HTATIP2: variants seen among roughly 807,000 people sequenced by gnomAD.
HTATIP2 encodes the protein protein HTATIP2.
Under a neutral mutation model 24.7 loss-of-function variants are expected in HTATIP2, and 26 were observed. The observed-to-expected ratio is 1.05, with a 90% CI of 0.77 to 1.46. HTATIP2 has a LOEUF of 1.46. Ranked by LOEUF, HTATIP2 falls within the 40% of genes most tolerant of loss-of-function variation. The pLI is 0.00. For missense variants in HTATIP2, 284 were observed against 289.6 expected, an observed-to-expected ratio of 0.98 and a Z score of 0.14; for synonymous variants, 99 against 113.2, an observed-to-expected ratio of 0.87 and a Z score of 0.79.
intron 1 of HTATIP2, among the ~76,000 whole-genome samples, chr11:20,366,247 G>A (rs545689901): frequency 6.6e-6 from 1 of 151,326 alleles, no homozygotes; most frequent in African/African-American, 2.4e-5. Context: ...AACTACAGGT[G>A]CCTACCACCA....
chr11:20,368,705 G>C (rs1241707563), intron 2 of HTATIP2, among the ~76,000 whole-genome samples: 1 of 152,184 alleles, frequency 6.6e-6, no homozygotes, highest in Non-Finnish European at 1.5e-5. Flanking sequence ...GGCATAGAAG[G>C]GTTGATTTTC....
At position 20,367,190 on chromosome 11, in the gene HTATIP2, A is replaced by G. The variant is rs866973858; in HGVS notation, c.212A>G (p.Asp71Gly). The G allele has an allele frequency of 6.2e-7, 1 of 1,614,112 alleles. No individual in the cohort carries two copies. The highest frequency in any genetic ancestry group is 1.7e-5 in the Admixed American group (1 of 60,026). ...AYKNVNQEVV[D>G]FEKLDDYASA... The stretch of plus-strand genomic sequence containing the variant: ...CTTGCCTAGAATCAAGAAGTGGTGG[A>G]CTTTGAAAAGTTGGATGACTACGCC... The change falls in exon 2 of 5, where the codon GAC (aspartate) becomes GGC (glycine). Residue 71 changes from aspartate (D) to glycine (G), a missense_variant. By Grantham distance (94) the Asp-to-Gly change is moderately conservative (BLOSUM62 -1). Transcript: ENST00000451739.
At chr11:20,372,730 G>A (rs1463375032) in intron 2 of HTATIP2, among the ~76,000 whole-genome samples, 1 of 152,156 alleles carries the variant, frequency 6.6e-6, no homozygotes, top group Non-Finnish European at 1.5e-5. Flanking sequence ...GAAATAGCTT[G>A]CTTTAGTTAG....
intron 3 of HTATIP2, among the ~76,000 whole-genome samples, chr11:20,381,445 A>C (rs545329211): frequency 2.1e-4 from 32 of 152,266 alleles, no homozygotes; most frequent in Non-Finnish European, 3.2e-4. Context: ...ATCACACACA[A>C]AAAATACATA....
chr11:20,367,857 G>A (rs1051992948), intron 2 of HTATIP2, among the ~76,000 whole-genome samples: 1 of 152,144 alleles, frequency 6.6e-6, no homozygotes, highest in African/African-American at 2.4e-5. Flanking sequence ...CTTTTTAATG[G>A]TGTTCTAAAT....
intron 3 of HTATIP2, among the ~76,000 whole-genome samples, chr11:20,379,914 A>G (rs1190501210): frequency 6.6e-6 from 1 of 152,232 alleles, no homozygotes; most frequent in South Asian, 2.1e-4. Context: ...AACTTATCGC[A>G]TTGAAAGGAT....
At chr11:20,372,187 G>A (rs1409559597) in intron 2 of HTATIP2, among the ~76,000 whole-genome samples, 1 of 152,108 alleles carries the variant, frequency 6.6e-6, no homozygotes, top group Non-Finnish European at 1.5e-5. Context: ...GGGATCAAGC[G>A]ATCTTCCTGC....
intron 2 of HTATIP2, among the ~76,000 whole-genome samples, chr11:20,369,825 C>T (rs966078303): frequency 5.9e-5 from 9 of 152,154 alleles, no homozygotes; most frequent in African/African-American, 1.7e-4. Context: ...GTTCAACATA[C>T]GCATTTTGGG....
At position 20,383,148 on chromosome 11, in the gene HTATIP2, G is replaced by A; in HGVS notation, c.672G>A (p.Leu224=). The A allele has an allele frequency of 6.2e-7, 1 of 1,613,966 alleles. No individual in the cohort carries two copies. ...GACCAAGAGACAAGCAGATGGAACT[G>A]CTGGAGAACAAGGCCATCCATGACC... is the stretch of plus-strand genomic sequence containing the variant. ...VVRPRDKQME[L]LENKAIHDLG... Residue 224 remains leucine, a synonymous_variant, in exon 5 of 5, where the codon CTG becomes CTA. Coordinates refer to ENST00000451739, the MANE Select transcript of HTATIP2 (RefSeq NM_001098522.2).
Position 20,382,245 on chromosome 11 carries a change from T to C in HTATIP2, c.503+6T>C, listed in dbSNP as rs771085867. Reference sequence around the variant, plus strand: ...TACTCTGTATTTAGGCCTGGGTAAGTATAATATTTATACTGAATGAGAGTA... The same window carrying C: ...TACTCTGTATTTAGGCCTGGGTAAGCATAATATTTATACTGAATGAGAGTA... On this transcript the variant is annotated splice_donor_region_variant and intron_variant, in intron 4 of 4. Transcript: ENST00000451739. 1 of 1,490,018 alleles carries C rather than the reference T, an allele frequency of 6.7e-7. No individual in the cohort carries two copies. The highest frequency in any genetic ancestry group is 9.4e-7 in the Non-Finnish European group (1 of 1,067,424). 92.3% of individuals were successfully genotyped at this position (1,490,018 alleles called of 1,614,324 possible).
At chr11:20,380,082 A>C (rs1041770401) in intron 3 of HTATIP2, among the ~76,000 whole-genome samples, 34 of 152,248 alleles carry the variant, frequency 2.2e-4, no homozygotes, top group African/African-American at 7.7e-4. Context: ...ATCTGAGCCT[A>C]GGAATGCAGG....
At position 20,364,078 on chromosome 11, in the gene HTATIP2, G is replaced by A; in HGVS notation, c.-160G>A. 7.3e-7 allele frequency: 1 copy of A among 1,368,408 alleles called. No homozygotes were observed. Among genetic ancestry groups the A allele is most frequent in the Non-Finnish European group, 9.4e-7 (1 of 1,060,812 alleles). 84.8% of individuals were successfully genotyped at this position (1,368,408 alleles called of 1,614,324 possible). ...GGCTCAGGTGCGGGCGATGGCCGGG[G>A]AGCCGCGCCCCGCACGTGACTCAGC... is the stretch of plus-strand genomic sequence containing the variant. On this transcript the variant is annotated 5_prime_UTR_variant, in exon 1 of 5. Coordinates refer to ENST00000451739, the MANE Select transcript of HTATIP2 (RefSeq NM_001098522.2).
chr11:20,364,895 G>A (rs1041263251), intron 1 of HTATIP2, among the ~76,000 whole-genome samples: 12 of 152,146 alleles, frequency 7.9e-5, no homozygotes, highest in African/African-American at 2.9e-4. Context: ...AGTGAAAGGT[G>A]GGATTATTCA....
chr11:20,364,522 G>T, intron 1 of HTATIP2, 90 bp downstream of exon 1: 1 of 1,154,012 alleles, frequency 8.7e-7, no homozygotes, highest in Non-Finnish European at 1.2e-6. Flanking sequence ...TGCCCTGCCA[G>T]TGGTGGGGGT....
rs1848532772 is a variant in HTATIP2 at position 20,382,310 on chromosome 11, T to C, written c.503+71T>C. The C allele has an allele frequency of 7.9e-6, 7 of 880,652 alleles. No individual in the cohort carries two copies. In the East Asian group the frequency reaches 1.8e-4, roughly 22 times the overall value. The allele number at this position is 880,652 out of a possible 1,614,324, so 54.6% of individuals were successfully genotyped here. On this transcript the variant is annotated intron_variant, in intron 4 of 4. Transcript: ENST00000451739. The stretch of plus-strand genomic sequence containing the variant: ...AATCCCTAGATACTAATTTTTCATT[T>C]GGAAAGGCTGACAGCTGAAATATCT...
intron 3 of HTATIP2, among the ~76,000 whole-genome samples, chr11:20,379,963 G>A (rs1331816518): frequency 6.6e-6 from 1 of 152,218 alleles, no homozygotes; most frequent in Non-Finnish European, 1.5e-5. Flanking sequence ...TGTGTCGGGT[G>A]AAGTCTGGAG....
chr11:20,370,987 T>A (rs2064767028), intron 2 of HTATIP2, among the ~76,000 whole-genome samples: 1 of 152,206 alleles, frequency 6.6e-6, no homozygotes, highest in Admixed American at 6.5e-5. Context: ...AAGAATAATG[T>A]CATACCATGT....
At position 20,383,186 on chromosome 11, in the gene HTATIP2, A is replaced by C; in HGVS notation, c.710A>C (p.His237Pro). ...NKAIHDLGKA[H>P]GSLKP ...GCCATCCATGACCTGGGGAAAGCGC[A>C]TGGCTCTCTCAAGCCATGACCACAT... Residue 237 changes from histidine to proline, a missense_variant, in exon 5 of 5, where the codon CAT becomes CCT. Physicochemically the swap from His to Pro is moderately conservative, Grantham distance 77 (BLOSUM62 -2). Transcript: ENST00000451739. 1 of 1,613,676 alleles carries C rather than the reference A, an allele frequency of 6.2e-7. No individual in the cohort carries two copies. Among genetic ancestry groups the C allele is most frequent in the Non-Finnish European group, 8.5e-7 (1 of 1,179,798 alleles).
At chr11:20,377,921 C>T (rs984403726) in intron 3 of HTATIP2, among the ~76,000 whole-genome samples, 1 of 152,184 alleles carries the variant, frequency 6.6e-6, no homozygotes, top group East Asian at 1.9e-4. Flanking sequence ...AATCCTTGCA[C>T]CATTCTTTAT....
Sources: gnomAD v4.1 joint callset for allele counts (sites outside exome capture counted in the v4.1 genomes callset) on GRCh38, gnomAD v4.1.1 for gene constraint, MANE v1.5 for transcripts, NCBI Gene and HGNC (gene_info 2026-07-23, HGNC 2026-07-21) for gene names.